Variants in ATP2B2 observed in about 807,000 individuals in gnomAD.
ATP2B2 encodes the protein ATPase plasma membrane Ca2+ transporting 2.
In ATP2B2, 15 loss-of-function variants were observed where a neutral mutation model predicts 120.0. That is an observed-to-expected ratio of 0.12 (90% CI 0.08 to 0.19). The LOEUF is 0.19. Among genes scored for constraint, ATP2B2 ranks in the 10% least tolerant of loss-of-function variants. The probability of loss-of-function intolerance (pLI) is 1.00; values close to 1 mark genes in which losing one functional copy is unlikely to be tolerated. For missense variants in ATP2B2, 1,045 were observed against 1,719.8 expected, an observed-to-expected ratio of 0.61 and a Z score of 6.94; for synonymous variants, 694 against 700.3, an observed-to-expected ratio of 0.99 and a Z score of 0.14.
At chr3:10,499,423 G>A (rs190981939) in intron 1 of ATP2B2, among the ~76,000 whole-genome samples, 3 of 152,276 alleles carry the variant, frequency 2.0e-5, no homozygotes, top group East Asian at 1.9e-4. Context: ...ACAACCGAAC[G>A]CACATGACTG....
chr3:10,505,614 G>GGGGGGC (rs1183171801), upstream of ATP2B2: 1 of 147,752 alleles, frequency 6.8e-6, no homozygotes, highest in Non-Finnish European at 1.5e-5. Context: ...GGTGGGGGGC[G>GGGGGGC]GGGGGCGGAG....
chr3:10,448,803 G>A lies in ATP2B2; in HGVS notation c.199+542C>T, dbSNP rs1349619542. Among the ~76,000 whole-genome samples the A allele has an allele frequency of 2.6e-5, 4 of 152,206 alleles. No homozygotes were observed. In the East Asian group the frequency reaches 7.7e-4, roughly 29 times the overall value. On this transcript the variant is annotated intron_variant, in intron 2 of 22. Transcript: ENST00000360273. The stretch of plus-strand genomic sequence containing the variant: ...GACTTGATTCCAGCCCAGTGGCAGG[G>A]AATTGGCTGCACATTAGTCATGCTA...
At chr3:10,647,224 A>G (rs575498904) in intron 1 of ATP2B2, among the ~76,000 whole-genome samples, 20 of 152,186 alleles carry the variant, frequency 1.3e-4, no homozygotes, top group African/African-American at 4.6e-4. Flanking sequence ...CTGGCAGGGA[A>G]ATGGGCCCAC....
intron 2 of ATP2B2, among the ~76,000 whole-genome samples, chr3:10,614,073 C>T (rs1285943603): frequency 6.6e-6 from 1 of 151,980 alleles, no homozygotes; most frequent in Non-Finnish European, 1.5e-5. Flanking sequence ...TATAAAGTAG[C>T]CCCTCCCCCT....
At chr3:10,334,826 G>A (rs553920420) in intron 22 of ATP2B2, among the ~76,000 whole-genome samples, 68 of 151,842 alleles carry the variant, frequency 4.5e-4, no homozygotes, top group South Asian at 2.7e-3. Context: ...GGGTTGTGTT[G>A]TGGGTGTTCT....
At chr3:10,703,585 GCA>G (rs2071852127) in intron 1 of ATP2B2, among the ~76,000 whole-genome samples, 1 of 152,206 alleles carries the variant, frequency 6.6e-6, no homozygotes. Flanking sequence ...CTCCGGATCA[GCA>G]CACACCTTTT....
At position 10,656,550 on chromosome 3, in the gene ATP2B2, C is replaced by T. The variant is rs58457990; in HGVS notation, c.-459-36589G>A. On this transcript the variant is annotated intron_variant, in intron 1 of 21. Transcript: ENST00000646379. ...GCTCCTGCCCAACCTCTGGGCCTTCCGCACACACCAGTCAAATGCAGTAAT... is the reference window on the plus strand; with the variant it reads ...GCTCCTGCCCAACCTCTGGGCCTTCTGCACACACCAGTCAAATGCAGTAAT... 6.6e-5 allele frequency among the ~76,000 whole-genome samples: 10 copies of T among 152,316 alleles called. No individual in the cohort carries two copies. The East Asian group carries it at 1.3e-3, about 21-fold the overall frequency.
intron 2 of ATP2B2, among the ~76,000 whole-genome samples, chr3:10,596,701 G>A (rs2068772189): frequency 6.6e-6 from 1 of 152,238 alleles, no homozygotes; most frequent in Non-Finnish European, 1.5e-5. Flanking sequence ...AGTTTCAAAA[G>A]AGAACCAGGG....
At chr3:10,688,632 C>T (rs2071583031) in intron 1 of ATP2B2, among the ~76,000 whole-genome samples, 1 of 152,286 alleles carries the variant, frequency 6.6e-6, no homozygotes, top group African/African-American at 2.4e-5. Flanking sequence ...ACAGGGACAA[C>T]GTTAAGGTGA....
chr3:10,462,402 C>T (rs73119409), intron 1 of ATP2B2, among the ~76,000 whole-genome samples: 3,472 of 152,296 alleles, frequency 0.023, 141 homozygotes, highest in African/African-American at 0.079. Flanking sequence ...TCCCCAGGCT[C>T]CCAACTCTGG....
chr3:10,458,126 C>G (rs1243341161), intron 1 of ATP2B2, among the ~76,000 whole-genome samples: 4 of 149,970 alleles, frequency 2.7e-5, no homozygotes, highest in African/African-American at 1.0e-4. Flanking sequence ...TGACCATTAG[C>G]TGTCTGTCCA....
chr3:10,433,994 C>T (rs2063401317), intron 2 of ATP2B2, among the ~76,000 whole-genome samples: 1 of 151,994 alleles, frequency 6.6e-6, no homozygotes, highest in Non-Finnish European at 1.5e-5. Context: ...GCATCTAGCA[C>T]CAAGTAGTTA....
chr3:10,384,758 A>C (rs1044179196), intron 8 of ATP2B2, among the ~76,000 whole-genome samples: 3 of 152,220 alleles, frequency 2.0e-5, no homozygotes, highest in Admixed American at 6.5e-5. Context: ...AAAACTGTTT[A>C]CTGCTGGCTC....
chr3:10,445,363 A>G (rs750584742), intron 2 of ATP2B2, among the ~76,000 whole-genome samples: 13 of 144,710 alleles, frequency 9.0e-5, no homozygotes, highest in Non-Finnish European at 4.4e-5. Context: ...TGGGATTTTA[A>G]TGTCCTTGGC....
At chr3:10,406,123 C>T (rs899693267) in intron 3 of ATP2B2, among the ~76,000 whole-genome samples, 2 of 152,216 alleles carry the variant, frequency 1.3e-5, no homozygotes, top group African/African-American at 4.8e-5. Context: ...CAAGGTTACA[C>T]ACCAGGAAGT....
Position 10,350,515 on chromosome 3 carries a change from G to A in ATP2B2, c.2199C>T (p.Asp733=), listed in dbSNP as rs1191596386. ...CGATGGCCCGAGCCGTGTTGATATT[G>A]TCGCCAGTGACCATGCGGACCGTGA... ...AGITVRMVTG[D]NINTARAIAI... is the part of the protein sequence containing the mutation. The change falls in exon 15 of 23, where the codon GAC becomes GAT. Residue 733 remains aspartate (D), a synonymous_variant. Coordinates refer to ENST00000360273, the MANE Select transcript of ATP2B2 (RefSeq NM_001001331.4). 2 of 1,614,070 alleles carry A rather than the reference G, an allele frequency of 1.2e-6. No individual in the cohort carries two copies.
chr3:10,586,498 A>C (rs1450287749), intron 2 of ATP2B2, among the ~76,000 whole-genome samples: 1 of 152,228 alleles, frequency 6.6e-6, no homozygotes, highest in East Asian at 1.9e-4. Context: ...GACAGAAAGA[A>C]GGCCAGTAGA....
At chr3:10,606,610 T>C (rs1264030378) in intron 2 of ATP2B2, among the ~76,000 whole-genome samples, 1 of 152,158 alleles carries the variant, frequency 6.6e-6, no homozygotes, top group Non-Finnish European at 1.5e-5. Flanking sequence ...GGTGGACGTG[T>C]GTGCAGCGGA....
chr3:10,643,118 G>A (rs1489371740), intron 1 of ATP2B2, among the ~76,000 whole-genome samples: 1 of 152,200 alleles, frequency 6.6e-6, no homozygotes, highest in Non-Finnish European at 1.5e-5. Flanking sequence ...ATGTCACAAG[G>A]ACGCAAACGC....
Sources: gnomAD v4.1 joint callset for allele counts (sites outside exome capture counted in the v4.1 genomes callset) on GRCh38, gnomAD v4.1.1 for gene constraint, MANE v1.5 for transcripts, NCBI Gene and HGNC (gene_info 2026-07-23, HGNC 2026-07-21) for gene names.